CFAP99: variants seen among roughly 807,000 people sequenced by gnomAD.
The protein encoded by CFAP99 is cilia and flagella associated protein 99, also known as cilia- and flagella-associated protein 99.
In CFAP99, 84 loss-of-function variants were observed where a neutral mutation model predicts 82.7. The ratio of observed to expected loss-of-function variants is 1.02; its 90% CI spans 0.85 to 1.22. The LOEUF (loss-of-function observed/expected upper bound fraction) is 1.22, where lower values mean the gene tolerates loss of function less well. Ranked by LOEUF, CFAP99 falls within the 50% of genes most tolerant of loss-of-function variation. The probability of loss-of-function intolerance (pLI) is 0.00; values close to 1 mark genes in which losing one functional copy is unlikely to be tolerated. For synonymous variants in CFAP99, 456 were observed against 429.5 expected (o/e 1.06, Z -0.76); for missense variants, 1,059 against 983.5 (o/e 1.08, Z -1.03).
chr4:2,450,085 C>T lies in CFAP99; in HGVS notation c.795+80C>T, dbSNP rs141093787. On this transcript the variant is annotated intron_variant, in intron 8 of 14. Coordinates refer to ENST00000635017, the Ensembl canonical transcript of CFAP99. ...CAGAAAGTTCCTCCCAACGCCATCG[C>T]AGTGACCACTTATGTAGCCTTTTCC... 4.6e-5 allele frequency: 63 copies of T among 1,363,828 alleles called. No individual in the cohort carries two copies. In the East Asian group the frequency reaches 1.6e-3, roughly 34 times the overall value. 84.5% of individuals were successfully genotyped at this position (1,363,828 alleles called of 1,614,324 possible).
chr4:2,439,579 C>T (rs990621904), intron 4 of CFAP99, among the ~76,000 whole-genome samples: 8 of 152,272 alleles, frequency 5.3e-5, no homozygotes, highest in Non-Finnish European at 8.8e-5. Flanking sequence ...AGTGCAGCCC[C>T]GAGCCAGCAC....
At chr4:2,450,502 G>C (rs978847087) in intron 8 of CFAP99, 22 of 282,282 alleles carry the variant, frequency 7.8e-5, no homozygotes, top group African/African-American at 4.2e-4. Context: ...TGCTCAGAGG[G>C]GTGGCCTTTG....
chr4:2,458,238 T>A (rs1220105167), intron 11 of CFAP99, among the ~76,000 whole-genome samples: 2 of 152,180 alleles, frequency 1.3e-5, no homozygotes, highest in Non-Finnish European at 2.9e-5. Context: ...TTTCTTCACC[T>A]CATATTTCTA....
chr4:2,445,302 G>A (rs998332676), exon 6 of CFAP99: 80 of 1,345,668 alleles, frequency 5.9e-5, no homozygotes, highest in Admixed American at 1.4e-4. Flanking sequence ...TGGCCAAGCC[G>A]AGACCCGTGA....
In CFAP99 at chr4:2,443,964, T is replaced by A. The variant is rs139033257; in HGVS notation, c.464+722T>A. ...GATAGGACTTGAAGGGATCCACTTT[T>A]TCTTCCTAAGGACAGACAGACAGGC... On this transcript the variant is annotated intron_variant, in intron 5 of 14. Coordinates refer to ENST00000635017, the Ensembl canonical transcript of CFAP99. Among the ~76,000 whole-genome samples, 1,348 of 152,248 alleles carry A rather than the reference T, an allele frequency of 8.9e-3. 15 individuals carry two copies. The highest frequency in any genetic ancestry group is 0.013 in the Non-Finnish European group (871 of 68,006).
chr4:2,441,182 C>T (rs1734029434), intron 4 of CFAP99, among the ~76,000 whole-genome samples: 1 of 151,644 alleles, frequency 6.6e-6, no homozygotes, highest in Non-Finnish European at 1.5e-5. Flanking sequence ...ACCAGCCTGA[C>T]CAACACGGTG....
chr4:2,460,215 C>A, exon 14 of CFAP99: 2 of 1,536,046 alleles, frequency 1.3e-6, no homozygotes, highest in Non-Finnish European at 1.7e-6. Context: ...CTGTGCCGTG[C>A]AGCCATGGGG....
chr4:2,451,561 G>C (rs913607564), intron 10 of CFAP99, among the ~76,000 whole-genome samples: 1 of 152,150 alleles, frequency 6.6e-6, no homozygotes, highest in Non-Finnish European at 1.5e-5. Flanking sequence ...TCAGTGAGGG[G>C]CATGAATGGG....
At chr4:2,423,549 G>T (rs1160215177) in intron 1 of CFAP99, among the ~76,000 whole-genome samples, 2 of 152,178 alleles carry the variant, frequency 1.3e-5, no homozygotes, top group African/African-American at 4.8e-5. Flanking sequence ...GGTGTGGGTG[G>T]TCTCTCTTCC....
intron 2 of CFAP99, among the ~76,000 whole-genome samples, chr4:2,436,081 CA>C (rs60559586): frequency 0.047 from 5,921 of 125,352 alleles, 401 homozygotes; most frequent in African/African-American, 0.15. Context: ...TCAAAAACTT[CA>C]AAAAAAAAAA....
chr4:2,438,123 T>G (rs1733957946), exon 4 of CFAP99: 1 of 1,535,580 alleles, frequency 6.5e-7, no homozygotes, highest in Admixed American at 2.0e-5. Flanking sequence ...CCAGCTATTC[T>G]GTAACATCAT....
At position 2,446,594 on chromosome 4, in the gene CFAP99, T is replaced by C. The variant is rs1020974252; in HGVS notation, c.642+1286T>C. ...TTTTAGTAGAGGTAGGGTTTTGTCA[T>C]GTTGGCCGGGCTGGTCCCTAACTGA... On this transcript the variant is annotated intron_variant, in intron 6 of 14. Transcript: ENST00000635017. This position sits in a 1 kb window ranked among gnomAD's most constrained non-coding sequence, Gnocchi z 5.0. Among the ~76,000 whole-genome samples the C allele has an allele frequency of 1.1e-4, 16 of 152,114 alleles. No individual in the cohort carries two copies. Among genetic ancestry groups the C allele is most frequent in the African/African-American group, 3.6e-4 (15 of 41,420 alleles).
At chr4:2,455,691 A>G (rs952621662) in intron 11 of CFAP99, among the ~76,000 whole-genome samples, 3 of 152,000 alleles carry the variant, frequency 2.0e-5, no homozygotes, top group Non-Finnish European at 4.4e-5. Flanking sequence ...CGTCTCAAAT[A>G]AAAAAAAGAA....
intron 2 of CFAP99, chr4:2,426,809 C>T: frequency 1.8e-6 from 1 of 542,430 alleles, no homozygotes; most frequent in Non-Finnish European, 3.3e-6. Context: ...TGGCCGGGAC[C>T]CGGGATATGA....
intron 8 of CFAP99, 71 bp downstream of exon 8, chr4:2,450,076 A>G: frequency 3.5e-6 from 5 of 1,432,528 alleles, no homozygotes; most frequent in Non-Finnish European, 2.8e-6. Flanking sequence ...GTTCCTCCCA[A>G]CGCCATCGCA....
chr4:2,424,660 T>C (rs1407682199), intron 1 of CFAP99, among the ~76,000 whole-genome samples: 2 of 152,200 alleles, frequency 1.3e-5, no homozygotes, highest in Non-Finnish European at 2.9e-5. Flanking sequence ...CCTCCTGCTC[T>C]GTCCTTGTCC....
chr4:2,446,365 GTTGTTATTATTATTATTATTA>G lies in CFAP99; in HGVS notation c.642+1060_642+1080del, dbSNP rs1376102752. Among the ~76,000 whole-genome samples, 12 of 145,074 alleles carry G rather than the reference GTTGTTATTATTATTATTATTA, an allele frequency of 8.3e-5. No homozygotes were observed. The South Asian group carries it at 8.8e-4, about 11-fold the overall frequency. ...TCTCTTTTTATTTCATTTTATTATT[GTTGTTATTATTATTATTATTA>G]TTATTATTATTATTATTATTATTTG... On this transcript the variant is annotated intron_variant, in intron 6 of 14. Transcript: ENST00000635017. The surrounding 1 kb of genome is among the most constrained non-coding windows in gnomAD (Gnocchi z 5.0).
intron 12 of CFAP99, 74 bp from the exon 13 acceptor site, chr4:2,459,033 G>T: frequency 1.4e-6 from 2 of 1,451,496 alleles, no homozygotes; most frequent in Non-Finnish European, 1.8e-6. Context: ...GGGGAACCCT[G>T]GGGGAGGTGC....
intron 2 of CFAP99, chr4:2,428,460 C>T (rs912154464): frequency 6.6e-6 from 1 of 152,414 alleles, no homozygotes; most frequent in African/African-American, 2.4e-5. Flanking sequence ...TAACAGATTC[C>T]TCGAAGTCCC....
Sources: gnomAD v4.1 joint callset for allele counts (sites outside exome capture counted in the v4.1 genomes callset) on GRCh38, gnomAD v4.1.1 for gene constraint, Gnocchi (gnomAD v3.1) non-coding constraint, MANE v1.5 for transcripts, NCBI Gene and HGNC (gene_info 2026-07-23, HGNC 2026-07-21) for gene names.